DLGAP4: variants seen among roughly 807,000 people sequenced by gnomAD.
The protein encoded by DLGAP4 is disks large-associated protein 4.
DLGAP4 carries 18 observed loss-of-function variants against 86.9 expected under a neutral mutation model. The ratio of observed to expected loss-of-function variants is 0.21; its 90% CI spans 0.14 to 0.31. The LOEUF (loss-of-function observed/expected upper bound fraction) is 0.31. Among genes scored for constraint, DLGAP4 ranks in the 10% least tolerant of loss-of-function variants. The pLI, the probability that DLGAP4 is intolerant of heterozygous loss-of-function variation, is 1.00. For synonymous variants in DLGAP4, 548 were observed against 574.3 expected, an observed-to-expected ratio of 0.95 and a Z score of 0.65; for missense variants, 1,085 against 1,362.6, an observed-to-expected ratio of 0.80 and a Z score of 3.21.
chr20:36,353,726 G>C (rs77324262), intron 1 of DLGAP4, among the ~76,000 whole-genome samples: 2,130 of 152,304 alleles, frequency 0.014, 25 homozygotes, highest in Non-Finnish European at 0.022. Context: ...AGGAACTTAG[G>C]GGACCAGCGG....
intron 10 of DLGAP4, among the ~76,000 whole-genome samples, chr20:36,510,157 A>G (rs988375007): frequency 6.6e-6 from 1 of 151,592 alleles, no homozygotes; most frequent in African/African-American, 2.4e-5. Context: ...TTCTTTCTTC[A>G]GTGTTTAGTG....
chr20:36,461,748 T>TCCGTCCGTCCGTCCGCCCGC (rs1474275856), intron 7 of DLGAP4: 2 of 770,426 alleles, frequency 2.6e-6, no homozygotes, highest in African/African-American at 4.8e-5. Context: ...CGTCCGTCCG[T>TCCGTCCGTCCGTCCGCCCGC]CCGCCCGCCC....
intron 2 of DLGAP4, among the ~76,000 whole-genome samples, chr20:36,421,718 TG>T (rs1198464153): frequency 4.6e-5 from 7 of 151,926 alleles, no homozygotes; most frequent in African/African-American, 1.7e-4. Flanking sequence ...AGGAGGATGA[TG>T]TTGTCATGAG....
chr20:36,487,934 GCTCATGC>G (rs2035487095), intron 7 of DLGAP4, among the ~76,000 whole-genome samples: 1 of 152,196 alleles, frequency 6.6e-6, no homozygotes, highest in South Asian at 2.1e-4. Flanking sequence ...GGGCGTGGTG[GCTCATGC>G]CTGTAATCCC....
chr20:36,339,932 G>A (rs1461667060), intron 1 of DLGAP4, among the ~76,000 whole-genome samples: 1 of 152,216 alleles, frequency 6.6e-6, no homozygotes, highest in East Asian at 1.9e-4. Context: ...CCGGCAAGAG[G>A]TGCATGCTGG....
intron 7 of DLGAP4, among the ~76,000 whole-genome samples, chr20:36,478,460 GA>G (rs1261117996): frequency 1.3e-5 from 2 of 152,202 alleles, no homozygotes; most frequent in African/African-American, 4.8e-5. Flanking sequence ...GAAGCCTTCG[GA>G]AGTATGTTTG....
intron 8 of DLGAP4, chr20:36,498,387 A>G (rs2035978724): frequency 6.6e-6 from 1 of 152,110 alleles, no homozygotes; most frequent in Non-Finnish European, 1.5e-5. Context: ...GACCACCCAT[A>G]TCTTTGGGCA....
In DLGAP4 at chr20:36,350,653, T is replaced by G. The variant is rs2030120637; in HGVS notation, c.-303-16392T>G. ...AGGGGCCTATCATGACCTCCTTTGT[T>G]CCAAAAAGTATCAGCCCAGGCCTCT... is the stretch of plus-strand genomic sequence containing the variant. On this transcript the variant is annotated intron_variant, in intron 1 of 12. Coordinates refer to ENST00000339266, the MANE Select transcript of DLGAP4 (RefSeq NM_001365621.2). This position sits in a 1 kb window ranked among gnomAD's most constrained non-coding sequence, Gnocchi z 4.4. 6.6e-6 allele frequency among the ~76,000 whole-genome samples: 1 copy of G among 152,178 alleles called. No individual in the cohort carries two copies. Among genetic ancestry groups the G allele is most frequent in the Non-Finnish European group, 1.5e-5 (1 of 68,020 alleles).
intron 11 of DLGAP4, among the ~76,000 whole-genome samples, chr20:36,525,281 T>C (rs1485496284): frequency 1.5e-5 from 2 of 135,260 alleles, no homozygotes; most frequent in East Asian, 4.5e-4. Context: ...CTGGGATTGG[T>C]GGCTTGGCTT....
At chr20:36,322,491 C>A (rs782644791) in intron 1 of DLGAP4, among the ~76,000 whole-genome samples, 85 of 152,152 alleles carry the variant, frequency 5.6e-4, no homozygotes, top group Non-Finnish European at 8.2e-4. Flanking sequence ...GTGCCTCAGT[C>A]CCCTCATCTG....
chr20:36,499,998 CGTGTGG>C (rs1569520602), intron 9 of DLGAP4, among the ~76,000 whole-genome samples, 195 bp from the exon 10 acceptor site: 1 of 151,934 alleles, frequency 6.6e-6, no homozygotes, highest in African/African-American at 2.4e-5. Context: ...TGTGTGTGTG[CGTGTGG>C]GCTTGGGCGG....
intron 4 of DLGAP4, among the ~76,000 whole-genome samples, chr20:36,437,468 G>T (rs989267884): frequency 7.2e-5 from 11 of 152,190 alleles, no homozygotes; most frequent in Non-Finnish European, 1.2e-4. Context: ...GCCTAGGGAA[G>T]GCCAAAGCCC....
intron 7 of DLGAP4, among the ~76,000 whole-genome samples, chr20:36,469,228 G>T (rs2034550803): frequency 6.6e-6 from 1 of 152,106 alleles, no homozygotes; most frequent in Non-Finnish European, 1.5e-5. Context: ...AGACAGAGCT[G>T]CCTTAAAGAC....
intron 10 of DLGAP4, among the ~76,000 whole-genome samples, chr20:36,520,328 G>T (rs955696928): frequency 6.6e-6 from 1 of 151,944 alleles, no homozygotes; most frequent in African/African-American, 2.4e-5. Context: ...CATTCTGTGC[G>T]TTGGCTTCAT....
chr20:36,453,807 C>T (rs2033804082), intron 7 of DLGAP4, among the ~76,000 whole-genome samples: 1 of 150,614 alleles, frequency 6.6e-6, no homozygotes, highest in East Asian at 2.0e-4. Context: ...GTAGCGGGCA[C>T]CTATAATCCC....
At chr20:36,451,279 C>T (rs1409887610) in intron 7 of DLGAP4, among the ~76,000 whole-genome samples, 1 of 152,194 alleles carries the variant, frequency 6.6e-6, no homozygotes, top group African/African-American at 2.4e-5. Flanking sequence ...CTTTGGGCTT[C>T]TGTGGGACCA....
At chr20:36,312,347 A>G (rs2065060512) in intron 1 of DLGAP4, among the ~76,000 whole-genome samples, 2 of 151,810 alleles carry the variant, frequency 1.3e-5, no homozygotes, top group Non-Finnish European at 1.5e-5. Context: ...ATGCACACGC[A>G]CACACACACA....
chr20:36,515,301 TTG>T (rs2036971805), intron 10 of DLGAP4, among the ~76,000 whole-genome samples: 1 of 152,182 alleles, frequency 6.6e-6, no homozygotes. Context: ...GAATCTCTGT[TTG>T]TGTTTGCCTA....
chr20:36,402,120 C>T (rs1802291527), intron 2 of DLGAP4, among the ~76,000 whole-genome samples: 1 of 152,188 alleles, frequency 6.6e-6, no homozygotes, highest in South Asian at 2.1e-4. Flanking sequence ...CATGTCATGC[C>T]AGTGGGAGGG....
Sources: gnomAD v4.1 joint callset for allele counts (sites outside exome capture counted in the v4.1 genomes callset) on GRCh38, gnomAD v4.1.1 for gene constraint, Gnocchi (gnomAD v3.1) non-coding constraint, MANE v1.5 for transcripts, NCBI Gene and HGNC (gene_info 2026-07-23, HGNC 2026-07-21) for gene names.